Variants in HAS2 observed in about 807,000 individuals in gnomAD.
HAS2 encodes the protein hyaluronan synthase 2.
In HAS2, 16 loss-of-function variants were observed where a neutral mutation model predicts 51.6. The observed-to-expected ratio is 0.31, with a 90% CI of 0.21 to 0.47. The LOEUF (loss-of-function observed/expected upper bound fraction) is 0.47, where lower values mean the gene tolerates loss of function less well. HAS2 is among the 20% of genes least tolerant of loss of function. The pLI is 1.00. For synonymous variants in HAS2, 228 were observed against 235.5 expected, an observed-to-expected ratio of 0.97 and a Z score of 0.29; for missense variants, 361 against 662.6, an observed-to-expected ratio of 0.54 and a Z score of 5.00.
chr8:121,615,186 A>G (rs1812683395), intron 3 of HAS2, 148 bp from the exon 4 acceptor site: 2 of 600,096 alleles, frequency 3.3e-6, no homozygotes, highest in East Asian at 2.8e-5. Flanking sequence ...TGGTTATTTT[A>G]TGTTTTCTCT....
Position 121,614,805 on chromosome 8 carries a change from C to T in HAS2, c.963G>A (p.Val321=). 1.2e-6 allele frequency: 2 copies of T among 1,614,202 alleles called. No individual in the cohort carries two copies. The highest frequency in any genetic ancestry group is 1.7e-5 in the Admixed American group (1 of 60,022). ...FGDDRHLTNR[V]LSLGYATKYT... ...ATTTTGTTGCATAGCCCAGGCTCAG[C>T]ACCCGGTTCGTGAGATGCCTGTCAT... Residue 321 remains valine, a synonymous_variant, in exon 4 of 4, where the codon GTG becomes GTA. Transcript: ENST00000303924. The surrounding 1 kb of genome is among the most constrained non-coding windows in gnomAD (Gnocchi z 7.2).
chr8:121,633,136 C>CT (rs71816016), intron 1 of HAS2, among the ~76,000 whole-genome samples: 4,692 of 128,000 alleles, frequency 0.037, 373 homozygotes, highest in African/African-American at 0.12. Flanking sequence ...GTTTCCCTAC[C>CT]TTTTTTTTTT....
At chr8:121,637,877 A>C (rs1244373927) in intron 1 of HAS2, among the ~76,000 whole-genome samples, 1 of 152,198 alleles carries the variant, frequency 6.6e-6, no homozygotes, top group Non-Finnish European at 1.5e-5. Flanking sequence ...TGCATGGATA[A>C]AAAGAGAACC....
chr8:121,635,530 A>G (rs1812996938), intron 1 of HAS2, among the ~76,000 whole-genome samples: 1 of 152,216 alleles, frequency 6.6e-6, no homozygotes, highest in African/African-American at 2.4e-5. Flanking sequence ...AATGGATTCA[A>G]GTCTGCACTC....
intron 3 of HAS2, among the ~76,000 whole-genome samples, chr8:121,616,494 T>C (rs1057440816): frequency 6.6e-6 from 1 of 151,656 alleles, no homozygotes; most frequent in Non-Finnish European, 1.5e-5. Context: ...TGAAGTGCAG[T>C]GGCATGATCT....
chr8:121,620,269 A>G (rs1019737787), intron 2 of HAS2, among the ~76,000 whole-genome samples: 3 of 152,160 alleles, frequency 2.0e-5, no homozygotes, highest in Non-Finnish European at 1.5e-5. Flanking sequence ...GTAGGGTGTA[A>G]AGAGCATAAT....
At chr8:121,622,930 T>C (rs1293032345) in intron 2 of HAS2, among the ~76,000 whole-genome samples, 1 of 151,740 alleles carries the variant, frequency 6.6e-6, no homozygotes, top group African/African-American at 2.4e-5. Context: ...TTTTTGAAAT[T>C]AATGAGTAAA....
At chr8:121,618,023 C>T (rs7837081) in intron 2 of HAS2, among the ~76,000 whole-genome samples, 16,763 of 150,482 alleles carry the variant, frequency 0.11, 1,383 homozygotes, top group African/African-American at 0.23. Flanking sequence ...AAAGCAAGTC[C>T]GAAACTAGAC....
intron 1 of HAS2, among the ~76,000 whole-genome samples, chr8:121,635,314 CA>C (rs1812994421): frequency 6.6e-6 from 1 of 152,056 alleles, no homozygotes; most frequent in Non-Finnish European, 1.5e-5. Context: ...CATATTGACT[CA>C]TAAAATAGAT....
rs1410372282 is a variant in HAS2, at chr8:121,612,695, T to A, written c.*1414A>T. 1 of 152,206 alleles carries A rather than the reference T, an allele frequency of 6.6e-6. No homozygotes were observed. Among genetic ancestry groups the A allele is most frequent in the African/African-American group, 2.4e-5 (1 of 41,466 alleles). 9.4% of individuals were successfully genotyped at this position (152,206 alleles called of 1,614,324 possible). On this transcript the variant is annotated 3_prime_UTR_variant, in exon 4 of 4. Transcript: ENST00000303924. ...AGTATGTGGTTCAACAATTTTTATA[T>A]GTGCCAATCATTGATATACTTATTA... is the stretch of plus-strand genomic sequence containing the variant.
intron 1 of HAS2, among the ~76,000 whole-genome samples, chr8:121,629,812 A>G (rs1037939406): frequency 1.3e-5 from 2 of 152,150 alleles, no homozygotes. Context: ...TGTGTAATTT[A>G]ATCTCACCTC....
Position 121,628,750 on chromosome 8 carries a change from G to A in HAS2, c.591C>T (p.Ala197=), listed in dbSNP as rs566991370. 5.0e-6 allele frequency: 8 copies of A among 1,614,068 alleles called. No homozygotes were observed. In the South Asian group the frequency reaches 8.8e-5, roughly 18 times the overall value. Residue 197 remains alanine, a synonymous_variant, in exon 2 of 4, where the codon GCC becomes GCT. Coordinates refer to ENST00000303924, the MANE Select transcript of HAS2 (RefSeq NM_005328.3). ...CCACACTTCGTCCCAGTGCTCTGAA[G>A]GCTGTGTACATGACTTCTCTTTTTC... ...WGGKREVMYT[A]FRALGRSVDY...
rs774212095 is a variant in HAS2, at chr8:121,613,270, C to T, written c.*839G>A. 16 of 151,882 alleles carry T rather than the reference C, an allele frequency of 1.1e-4. No individual in the cohort carries two copies. The highest frequency in any genetic ancestry group is 2.6e-4 in the Admixed American group (4 of 15,232). 9.4% of individuals were successfully genotyped at this position (151,882 alleles called of 1,614,324 possible). On this transcript the variant is annotated 3_prime_UTR_variant, in exon 4 of 4. Coordinates refer to ENST00000303924, the MANE Select transcript of HAS2 (RefSeq NM_005328.3). ...CAACGATTTTTTTTTTAGGTACACA[C>T]GAAAGTGTGTATTTTTACTTCCAAA...
rs567641105 is a variant in HAS2 at position 121,631,108 on chromosome 8, A to G, written c.1-1768T>C. On this transcript the variant is annotated intron_variant, in intron 1 of 3. Transcript: ENST00000303924. ...TGGCCCTTCCACAGGCTTGATACAC[A>G]TATTAAAAATGTTTTAGGGAATTGG... Among the ~76,000 whole-genome samples the G allele has an allele frequency of 2.0e-5, 3 of 152,292 alleles. No homozygotes were observed. The South Asian group carries it at 6.2e-4, about 32-fold the overall frequency.
chr8:121,624,096 T>C (rs1182802466), intron 2 of HAS2, among the ~76,000 whole-genome samples: 1 of 152,228 alleles, frequency 6.6e-6, no homozygotes, highest in East Asian at 1.9e-4. Flanking sequence ...ATGTACCTTA[T>C]TTAATATACA....
intron 1 of HAS2, among the ~76,000 whole-genome samples, chr8:121,634,233 G>A (rs767418277): frequency 1.8e-4 from 27 of 151,918 alleles, no homozygotes; most frequent in Admixed American, 4.6e-4. Flanking sequence ...GTGTGCTACC[G>A]TGCCCGGCCA....
rs397728062 is a variant in HAS2 at position 121,637,390 on chromosome 8, C to CTTTTTTT, written c.-1+3456_-1+3462dup. On this transcript the variant is annotated intron_variant, in intron 1 of 3. Coordinates refer to ENST00000303924, the MANE Select transcript of HAS2 (RefSeq NM_005328.3). ...CCACATGACTACCATTCAAAATAGA[C>CTTTTTTT]TTTTTTTTTTTTTTTTTTGAGATAG... is the stretch of plus-strand genomic sequence containing the variant. Among the ~76,000 whole-genome samples, 3 of 130,774 alleles carry CTTTTTTT rather than the reference C, an allele frequency of 2.3e-5. 1 individual carries two copies. The allele number at this position is 130,774 out of a possible 152,430, so 85.8% of individuals were successfully genotyped here. A position where few individuals can be genotyped will look rare whatever the true frequency, so the allele number is the denominator to read the frequency against.
In HAS2 at chr8:121,628,874, C is replaced by T. The variant is rs1323930510; in HGVS notation, c.467G>A (p.Gly156Asp). Residue 156 changes from glycine to aspartate, a missense_variant, in exon 2 of 4, where the codon GGT becomes GAT. Gly to Asp is a moderately conservative substitution (Grantham distance 94, BLOSUM62 -1). This residue lies in a region of HAS2 where 145 missense variants were observed against 217.6 expected (regional missense o/e 0.67). Coordinates refer to ENST00000303924, the MANE Select transcript of HAS2 (RefSeq NM_005328.3). ...ATGTGACTCATCTGTCTCACCGGGA[C>T]CCTTTTCGTGGAAGTTGTTCTTCCA... ...YIWKNNFHEK[G>D]PGETDESHKE... 2 of 1,614,058 alleles carry T rather than the reference C, an allele frequency of 1.2e-6. No individual in the cohort carries two copies. Among genetic ancestry groups the T allele is most frequent in the African/African-American group, 1.3e-5 (1 of 75,020 alleles).
chr8:121,616,828 T>C (rs904593497), intron 3 of HAS2, among the ~76,000 whole-genome samples: 3 of 152,176 alleles, frequency 2.0e-5, no homozygotes, highest in Admixed American at 1.3e-4. Flanking sequence ...TGGAAATCAT[T>C]ACACATTTAT....
Sources: gnomAD v4.1 joint callset for allele counts (sites outside exome capture counted in the v4.1 genomes callset) on GRCh38, gnomAD v4.1.1 for gene constraint, gnomAD v4.1.1 regional missense constraint, Gnocchi (gnomAD v3.1) non-coding constraint, MANE v1.5 for transcripts, NCBI Gene and HGNC (gene_info 2026-07-23, HGNC 2026-07-21) for gene names.